NCKAP5: variants seen among roughly 807,000 people sequenced by gnomAD.
The protein encoded by NCKAP5 is nck-associated protein 5.
A neutral mutation model predicts 167.0 loss-of-function variants in NCKAP5; 92 were observed. The observed-to-expected ratio is 0.55, with a 90% CI of 0.47 to 0.66. The LOEUF (loss-of-function observed/expected upper bound fraction) is 0.66. Ranked by LOEUF, NCKAP5 falls within the 30% of genes least tolerant of loss-of-function variation. The probability of loss-of-function intolerance (pLI) is 0.00; values close to 1 mark genes in which losing one functional copy is unlikely to be tolerated. For missense variants in NCKAP5, 2,378 were observed against 2,315.0 expected, an observed-to-expected ratio of 1.03 and a Z score of -0.56; for synonymous variants, 891 against 877.4, an observed-to-expected ratio of 1.02 and a Z score of -0.27.
chr2:133,173,023 T>C (rs1335268791), intron 5 of NCKAP5, among the ~76,000 whole-genome samples: 1 of 151,774 alleles, frequency 6.6e-6, no homozygotes, highest in Non-Finnish European at 1.5e-5. Context: ...CTGGAAGCAA[T>C]GCACTGTGCT....
intron 6 of NCKAP5, among the ~76,000 whole-genome samples, chr2:133,096,232 T>C (rs1488273297): frequency 6.6e-6 from 1 of 152,134 alleles, no homozygotes; most frequent in African/African-American, 2.4e-5. Context: ...GGCTCACACA[T>C]GTAATCCCAG....
At chr2:133,340,314 T>C (rs144527636) in intron 3 of NCKAP5, among the ~76,000 whole-genome samples, 64 of 152,258 alleles carry the variant, frequency 4.2e-4, no homozygotes, top group African/African-American at 1.4e-3. Context: ...CAGCTCTTCG[T>C]CTCCTCATCT....
intron 17 of NCKAP5, 68 bp downstream of exon 17, chr2:132,731,669 C>G: frequency 6.7e-7 from 1 of 1,484,764 alleles, no homozygotes; most frequent in Non-Finnish European, 9.0e-7. Context: ...TTACTCATCT[C>G]CTGGTGAAAA....
chr2:133,621,725 A>G, the NCKAP5 span, among the ~76,000 whole-genome samples: 8 of 152,124 alleles, frequency 5.3e-5, no homozygotes, highest in Non-Finnish European at 8.8e-5. Context: ...ATTGGTAACA[A>G]TCCTATTGAC....
intron 3 of NCKAP5, among the ~76,000 whole-genome samples, chr2:133,373,745 CAG>C (rs1299923311): frequency 6.6e-6 from 1 of 152,130 alleles, no homozygotes; most frequent in Admixed American, 6.5e-5. Context: ...ATAGAAAGCA[CAG>C]AAACAGCACA....
intron 11 of NCKAP5, among the ~76,000 whole-genome samples, chr2:132,845,141 CTT>C (rs1168888697): frequency 1.3e-5 from 2 of 152,108 alleles, no homozygotes; most frequent in African/African-American, 4.8e-5. Context: ...TGTTTCTACT[CTT>C]GTCTTACTTC....
At chr2:132,973,513 A>G (rs1229293767) in intron 7 of NCKAP5, among the ~76,000 whole-genome samples, 1 of 152,168 alleles carries the variant, frequency 6.6e-6, no homozygotes, top group African/African-American at 2.4e-5. Context: ...GACTCACTCA[A>G]AGGTCTCTTC....
At chr2:133,096,838 C>T in intron 6 of NCKAP5, among the ~76,000 whole-genome samples, 1 of 152,120 alleles carries the variant, frequency 6.6e-6, no homozygotes, top group Non-Finnish European at 1.5e-5. Context: ...TGTTATCTAT[C>T]CAGGTGCCAA....
intron 19 of NCKAP5, among the ~76,000 whole-genome samples, chr2:132,680,625 ACAC>A (rs1161302235): frequency 6.6e-6 from 1 of 152,182 alleles, no homozygotes; most frequent in Non-Finnish European, 1.5e-5. Flanking sequence ...GGACATTTAA[ACAC>A]CAGATCAAGA....
intron 19 of NCKAP5, among the ~76,000 whole-genome samples, chr2:132,709,259 A>G (rs1279584937): frequency 6.6e-6 from 1 of 152,168 alleles, no homozygotes; most frequent in Non-Finnish European, 1.5e-5. Context: ...AAAAACAGAA[A>G]CATCAAAAAT....
chr2:133,336,410 C>G (rs535368887), intron 3 of NCKAP5, among the ~76,000 whole-genome samples: 1 of 152,164 alleles, frequency 6.6e-6, no homozygotes, highest in East Asian at 1.9e-4. Flanking sequence ...CAAGTGCAAA[C>G]AGCTGAAGTG....
chr2:132,889,308 T>C (rs181439709), intron 8 of NCKAP5, among the ~76,000 whole-genome samples: 5 of 152,280 alleles, frequency 3.3e-5, no homozygotes, highest in East Asian at 1.9e-4. Context: ...AGTGTTGAGA[T>C]AGTTGGTTAC....
the NCKAP5 span, among the ~76,000 whole-genome samples, chr2:133,638,856 T>TAAAAAAAAAAAA: frequency 9.3e-6 from 1 of 107,146 alleles, no homozygotes; most frequent in African/African-American, 3.8e-5. Context: ...AGACTCTATC[T>TAAAAAAAAAAAA]CAAAAAAAAA....
chr2:133,245,128 T>TATA (rs1437097732), intron 4 of NCKAP5, among the ~76,000 whole-genome samples: 8 of 152,058 alleles, frequency 5.3e-5, no homozygotes, highest in African/African-American at 1.9e-4. Context: ...AGAACACGTG[T>TATA]ATACCCAAGA....
chr2:133,539,181 C>T lies in NCKAP5; in HGVS notation c.-62+19869G>A, dbSNP rs1686024456. 2.0e-5 allele frequency among the ~76,000 whole-genome samples: 3 copies of T among 151,940 alleles called. No individual in the cohort carries two copies. The South Asian group carries it at 6.2e-4, about 32-fold the overall frequency. On this transcript the variant is annotated intron_variant, in intron 2 of 19. Coordinates refer to ENST00000409261, the MANE Select transcript of NCKAP5 (RefSeq NM_207363.3). ...GGTCTCGGTCTCCTGACCTCATGAT[C>T]CACCTGCCTCGGCCTCCCAAAGTGC...
At chr2:133,210,386 A>G (rs1453101483) in intron 5 of NCKAP5, among the ~76,000 whole-genome samples, 3 of 152,032 alleles carry the variant, frequency 2.0e-5, no homozygotes, top group African/African-American at 7.2e-5. Context: ...CAATTTAATT[A>G]TATAGCTTTT....
At chr2:132,681,765 G>C (rs371617679) in intron 19 of NCKAP5, among the ~76,000 whole-genome samples, 2 of 152,122 alleles carry the variant, frequency 1.3e-5, no homozygotes, top group Non-Finnish European at 2.9e-5. Context: ...AACATTTTAT[G>C]TTATTCATTA....
At chr2:132,699,851 G>C (rs1283145607) in intron 19 of NCKAP5, among the ~76,000 whole-genome samples, 4 of 152,172 alleles carry the variant, frequency 2.6e-5, no homozygotes, top group African/African-American at 9.7e-5. Flanking sequence ...ACCCAGTAAT[G>C]GGATGGCTGG....
intron 3 of NCKAP5, among the ~76,000 whole-genome samples, chr2:133,471,591 T>C (rs1679323507): frequency 6.6e-6 from 1 of 152,132 alleles, no homozygotes; most frequent in East Asian, 1.9e-4. Flanking sequence ...GGGGTATATA[T>C]ACTTAGAAAG....
Sources: allele counts gnomAD v4.1 joint callset (sites outside exome capture counted in the v4.1 genomes callset), GRCh38; gene constraint gnomAD v4.1.1; transcripts MANE v1.5; gene names NCBI Gene and HGNC (gene_info 2026-07-23, HGNC 2026-07-21).